BUB1B: variants seen among roughly 807,000 people sequenced by gnomAD.
BUB1B encodes the protein mitotic checkpoint serine/threonine-protein kinase BUB1 beta.
BUB1B carries 86 observed loss-of-function variants against 137.7 expected under a neutral mutation model. The ratio of observed to expected loss-of-function variants is 0.62; its 90% confidence interval spans 0.52 to 0.75. BUB1B has a LOEUF of 0.75. Among genes scored for constraint, BUB1B ranks in the 30% least tolerant of loss-of-function variants. The pLI is 0.00. For missense variants in BUB1B, 1,130 were observed against 1,236.9 expected, an observed-to-expected ratio of 0.91 and a Z score of 1.30; for synonymous variants, 420 against 417.9, an observed-to-expected ratio of 1.00 and a Z score of -0.06.
intron 15 of BUB1B, among the ~76,000 whole-genome samples, chr15:40,207,615 G>A (rs539214219): frequency 2.9e-4 from 44 of 152,238 alleles, no homozygotes; most frequent in South Asian, 8.3e-4. Context: ...CAATATTATG[G>A]AATATAGAGT....
At chr15:40,179,428 A>C (rs1034963737) in intron 5 of BUB1B, among the ~76,000 whole-genome samples, 1 of 152,150 alleles carries the variant, frequency 6.6e-6, no homozygotes, top group Admixed American at 6.5e-5. Flanking sequence ...AGCTAGTTGA[A>C]TTTAGCAGTG....
chr15:40,176,494 G>C lies in BUB1B; in HGVS notation c.402G>C (p.Glu134Asp), dbSNP rs2037224964. 2.5e-6 allele frequency: 4 copies of C among 1,614,130 alleles called. No individual in the cohort carries two copies. Among genetic ancestry groups the C allele is most frequent in the East Asian group, 2.2e-5 (1 of 44,870 alleles). ...LWLKLGRLCN[E>D]PLDMYSYLHN... Reference sequence around the variant, plus strand: ...TGTTACAGGGGCGTTTATGCAATGAGCCTTTGGATATGTACAGTTACTTGC... The same window carrying C: ...TGTTACAGGGGCGTTTATGCAATGACCCTTTGGATATGTACAGTTACTTGC... Residue 134 changes from glutamate to aspartate, a missense_variant, in exon 5 of 23, where the codon GAG (glutamate) becomes GAC (aspartate). Glu to Asp is a conservative substitution (Grantham distance 45). Coordinates refer to ENST00000287598, the MANE Select transcript of BUB1B (RefSeq NM_001211.6).
chr15:40,187,567 G>A (rs557624911), intron 8 of BUB1B, among the ~76,000 whole-genome samples: 12 of 151,990 alleles, frequency 7.9e-5, no homozygotes, highest in African/African-American at 2.9e-4. Context: ...CTCCAGCCTG[G>A]GCAACAGGGC....
intron 8 of BUB1B, among the ~76,000 whole-genome samples, chr15:40,188,087 G>T (rs1219594050): frequency 5.3e-5 from 8 of 152,004 alleles, no homozygotes; most frequent in Non-Finnish European, 1.0e-4. Flanking sequence ...TCACTCTGTT[G>T]CCCAGGCTGG....
intron 15 of BUB1B, 108 bp downstream of exon 15, chr15:40,206,566 A>G (rs1197899367): frequency 7.1e-7 from 1 of 1,413,010 alleles, no homozygotes; most frequent in Non-Finnish European, 9.8e-7. Context: ...ACTGCCAGGT[A>G]CTGTGCTAAG....
intron 2 of BUB1B, among the ~76,000 whole-genome samples, chr15:40,167,342 CTTTTT>C (rs767161007): frequency 6.5e-5 from 5 of 77,094 alleles, no homozygotes; most frequent in Non-Finnish European, 9.0e-5. Context: ...TTCATTTTAG[CTTTTT>C]TTTTTTTTTT....
At chr15:40,164,973 T>C (rs1384201938) in intron 1 of BUB1B, 80 bp from the exon 2 acceptor site, 3 of 1,570,496 alleles carry the variant, frequency 1.9e-6, no homozygotes, top group Admixed American at 1.7e-5. Flanking sequence ...AATAATCACC[T>C]TTCGGAAGAC....
rs1199649373 is a variant in BUB1B, at chr15:40,185,547, C to G, written c.967-4C>G. On this transcript the variant is annotated splice_region_variant and splice_polypyrimidine_tract_variant and intron_variant, in intron 7 of 22. Transcript: ENST00000287598. ...GTAATTTTAGTTTTCTTCTTCATCTCCAGCCTCGTGGCAATACAGCTTCAC... is the reference window on the plus strand; with the variant it reads ...GTAATTTTAGTTTTCTTCTTCATCTGCAGCCTCGTGGCAATACAGCTTCAC... The G allele has an allele frequency of 5.6e-6, 9 of 1,613,968 alleles. No homozygotes were observed. Among genetic ancestry groups the G allele is most frequent in the African/African-American group, 1.3e-5 (1 of 74,946 alleles).
intron 15 of BUB1B, among the ~76,000 whole-genome samples, chr15:40,207,653 T>C (rs1343119452): frequency 6.6e-6 from 1 of 152,164 alleles, no homozygotes; most frequent in Non-Finnish European, 1.5e-5. Flanking sequence ...AAATAAAGCA[T>C]AAATCCAGAA....
rs112037698 is a variant in BUB1B, at chr15:40,170,853, A to T, written c.384+172A>T. On this transcript the variant is annotated intron_variant, in intron 4 of 22. Coordinates refer to ENST00000287598, the MANE Select transcript of BUB1B (RefSeq NM_001211.6). ...TTAAATTGGTTCTACTTAAAGGTGG[A>T]CTTAAATATAGTATAATAAGGTATT... Among the ~76,000 whole-genome samples, 4,297 of 152,322 alleles carry T rather than the reference A, an allele frequency of 0.028. 185 individuals carry two copies. Among genetic ancestry groups the T allele is most frequent in the African/African-American group, 0.099 (4,101 of 41,548 alleles).
At chr15:40,196,023 G>C (rs1202960328) in intron 8 of BUB1B, among the ~76,000 whole-genome samples, 1 of 152,174 alleles carries the variant, frequency 6.6e-6, no homozygotes, top group Non-Finnish European at 1.5e-5. Flanking sequence ...TGTTGCGTTT[G>C]CTTTTGGGTT....
At chr15:40,201,650 T>A (rs551274184) in intron 12 of BUB1B, among the ~76,000 whole-genome samples, 170 of 152,222 alleles carry the variant, frequency 1.1e-3, no homozygotes, top group South Asian at 4.3e-3. Context: ...AAACAAACTT[T>A]AAAAAAATTT....
At position 40,208,708 on chromosome 15, in the gene BUB1B, G is replaced by T. The variant is rs1204113732; in HGVS notation, c.2081G>T (p.Ser694Ile). 1 of 1,613,828 alleles carries T rather than the reference G, an allele frequency of 6.2e-7. No homozygotes were observed. The highest frequency in any genetic ancestry group is 1.3e-5 in the African/African-American group (1 of 75,046). The change falls in exon 16 of 23, where the codon AGC becomes ATC. Residue 694 changes from serine (S) to isoleucine (I), a missense_variant. Coordinates refer to ENST00000287598, the MANE Select transcript of BUB1B (RefSeq NM_001211.6). ...GFSGSSASVA[S>I]TSSIKCLQIP... ...TCTGGTTCTTCTGCCTCGGTTGCAA[G>T]CACCTCCTCCATCAAATGTCTTCAA...
intron 20 of BUB1B, among the ~76,000 whole-genome samples, chr15:40,217,262 G>T (rs1186631687): frequency 2.6e-5 from 4 of 152,172 alleles, no homozygotes; most frequent in African/African-American, 9.7e-5. Flanking sequence ...TTTAATGGTG[G>T]CCATGCACCG....
intron 12 of BUB1B, among the ~76,000 whole-genome samples, chr15:40,201,906 T>G (rs2037575619): frequency 6.6e-6 from 1 of 152,126 alleles, no homozygotes; most frequent in Non-Finnish European, 1.5e-5. Flanking sequence ...CCTGACCTCG[T>G]GATCCGCCCA....
intron 9 of BUB1B, among the ~76,000 whole-genome samples, chr15:40,198,239 GT>G (rs35740616): frequency 5.5e-4 from 81 of 146,078 alleles, no homozygotes; most frequent in Middle Eastern, 3.6e-3. Flanking sequence ...TTTCTATTGT[GT>G]TTTTTTTTTT....
chr15:40,174,909 A>T (rs2037207764), intron 4 of BUB1B, among the ~76,000 whole-genome samples: 1 of 152,200 alleles, frequency 6.6e-6, no homozygotes, highest in African/African-American at 2.4e-5. Context: ...AGTTGCAGTG[A>T]GGCGAGATCG....
intron 2 of BUB1B, 52 bp from the exon 3 acceptor site, chr15:40,170,010 C>A: frequency 1.5e-6 from 2 of 1,371,594 alleles, no homozygotes; most frequent in South Asian, 2.3e-5. Context: ...GATACTTGTT[C>A]ATTGGCTGTT....
intron 14 of BUB1B, among the ~76,000 whole-genome samples, chr15:40,205,688 G>T (rs76832205): frequency 0.018 from 2,691 of 152,232 alleles, 79 homozygotes; most frequent in African/African-American, 0.063. Context: ...AATACAAAAA[G>T]TATGAGAAAG....
Sources: allele counts gnomAD v4.1 joint callset (sites outside exome capture counted in the v4.1 genomes callset), GRCh38; gene constraint gnomAD v4.1.1; transcripts MANE v1.5; gene names NCBI Gene and HGNC (gene_info 2026-07-23, HGNC 2026-07-21).